ALMS1: variants seen among roughly 807,000 people sequenced by gnomAD.
ALMS1 encodes ALMS1 centrosome and basal body associated protein.
ALMS1 carries 271 observed loss-of-function variants against 352.2 expected under a neutral mutation model. That is an observed-to-expected ratio of 0.77 (90% CI 0.70 to 0.85). ALMS1 has a LOEUF of 0.85. ALMS1 is among the 40% of genes least tolerant of loss of function. ALMS1 has a pLI of 0.00. For synonymous variants in ALMS1, 1,865 were observed against 1,761.2 expected, an observed-to-expected ratio of 1.06 and a Z score of -1.48; for missense variants, 5,445 against 4,870.7, an observed-to-expected ratio of 1.12 and a Z score of -3.51.
Position 73,453,464 on chromosome 2 carries a change from A to C in ALMS1, c.6937A>C (p.Asn2313His), listed in dbSNP as rs766346478. Residue 2313 changes from asparagine to histidine, a missense_variant, in exon 8 of 23, where the codon AAT (asparagine) becomes CAT (histidine). Asn to His is a moderately conservative substitution (Grantham distance 68). Transcript: ENST00000613296. Reference protein sequence around the residue: ...FKEPSSTGVSNGDLLHRQPFT... With the variant: ...FKEPSSTGVSHGDLLHRQPFT... ...AGAACCCTCTTCCACGGGTGTATCTAATGGTGATTTGCTTCACAGACAGCC... is the reference window on the plus strand; with the variant it reads ...AGAACCCTCTTCCACGGGTGTATCTCATGGTGATTTGCTTCACAGACAGCC... 3.1e-6 allele frequency: 5 copies of C among 1,613,456 alleles called. No homozygotes were observed. The highest frequency in any genetic ancestry group is 4.2e-6 in the Non-Finnish European group (5 of 1,179,704).
intron 10 of ALMS1, among the ~76,000 whole-genome samples, chr2:73,498,844 A>T (rs980485849): frequency 2.0e-5 from 3 of 152,130 alleles, no homozygotes; most frequent in African/African-American, 7.2e-5. Context: ...TCCGAATCTT[A>T]GCTTACCACA....
intron 10 of ALMS1, among the ~76,000 whole-genome samples, chr2:73,503,212 A>G (rs960704965): frequency 6.6e-6 from 1 of 151,958 alleles, no homozygotes; most frequent in African/African-American, 2.4e-5. Context: ...CTCGTCATTT[A>G]GCATTAGGTA....
intron 7 of ALMS1, among the ~76,000 whole-genome samples, chr2:73,444,256 G>A (rs1031843026): frequency 6.6e-6 from 1 of 152,134 alleles, no homozygotes; most frequent in Non-Finnish European, 1.5e-5. Context: ...ATCTTCTCCT[G>A]TCCCAGAGGG....
intron 1 of ALMS1, among the ~76,000 whole-genome samples, chr2:73,392,601 T>G (rs1010670334): frequency 3.3e-5 from 5 of 152,216 alleles, no homozygotes; most frequent in African/African-American, 4.8e-5. Flanking sequence ...TGGAATGATA[T>G]GTGTTTTTGT....
At chr2:73,429,045 A>T (rs1248780695) in intron 6 of ALMS1, among the ~76,000 whole-genome samples, 1 of 152,180 alleles carries the variant, frequency 6.6e-6, no homozygotes, top group East Asian at 1.9e-4. Context: ...GTCTTGAGCA[A>T]ATGACTTCGG....
At chr2:73,388,708 T>G (rs1231581169) in intron 1 of ALMS1, among the ~76,000 whole-genome samples, 1 of 152,244 alleles carries the variant, frequency 6.6e-6, no homozygotes, top group Non-Finnish European at 1.5e-5. Context: ...CTACATTTTC[T>G]TTACCCATTC....
rs1177353262 is a variant in ALMS1, at chr2:73,556,640, T to TG, written c.10079-580_10079-579insG. Among the ~76,000 whole-genome samples the TG allele has an allele frequency of 4.8e-3, 643 of 134,330 alleles. 5 individuals carry two copies. The highest frequency in any genetic ancestry group is 6.2e-3 in the Non-Finnish European group (403 of 64,570). The allele number at this position is 134,330 out of a possible 152,430, so 88.1% of individuals were successfully genotyped here. A position where few individuals can be genotyped will look rare whatever the true frequency, so the allele number is the denominator to read the frequency against. On this transcript the variant is annotated intron_variant, in intron 13 of 22. Coordinates refer to ENST00000613296, the MANE Select transcript of ALMS1 (RefSeq NM_001378454.1). ...AAACATACCTGATCTTTCCTTTTTT[T>TG]TTTTGTTTTTTTTTTTACTGTTGCA...
At chr2:73,506,006 A>C (rs1673312715) in intron 10 of ALMS1, among the ~76,000 whole-genome samples, 1 of 152,216 alleles carries the variant, frequency 6.6e-6, no homozygotes, top group Admixed American at 6.5e-5. Context: ...ACTTTTCTGC[A>C]TATGGCTAGT....
chr2:73,602,532 A>C lies in ALMS1; in HGVS notation c.12298+164A>C, dbSNP rs189603697. ...CTTCTTAGCTAGCAGAATCTCCCCA[A>C]CTTAGCCGTCAGCACATTCATGATC... On this transcript the variant is annotated intron_variant, in intron 20 of 22. Coordinates refer to ENST00000613296, the MANE Select transcript of ALMS1 (RefSeq NM_001378454.1). Among the ~76,000 whole-genome samples the C allele has an allele frequency of 1.1e-3, 162 of 152,280 alleles. No homozygotes were observed. The Middle Eastern group carries it at 0.014, about 13-fold the overall frequency.
chr2:73,571,895 TAGC>T (rs991312873), intron 15 of ALMS1, among the ~76,000 whole-genome samples: 8 of 151,672 alleles, frequency 5.3e-5, no homozygotes, highest in Admixed American at 2.6e-4. Context: ...TCAGGTTTAA[TAGC>T]AGGATTAATT....
chr2:73,451,135 G>A lies in ALMS1; in HGVS notation c.4608G>A (p.Leu1536=). The A allele has an allele frequency of 6.2e-7, 1 of 1,613,804 alleles. No homozygotes were observed. The highest frequency in any genetic ancestry group is 1.1e-5 in the South Asian group (1 of 91,050). The part of the protein sequence containing the change: ...HRAKSGSFYQ[L]ALLGSQIPEE... ...CAAAGTCTGGCAGTTTCTACCAACT[G>A]GCATTGCTAGGTAGTCAAATACCTG... Residue 1536 remains leucine (L), a synonymous_variant, in exon 8 of 23, where the codon CTG becomes CTA. Transcript: ENST00000613296.
chr2:73,557,479 C>T, intron 14 of ALMS1, 125 bp downstream of exon 14: 8 of 1,225,954 alleles, frequency 6.5e-6, no homozygotes, highest in Non-Finnish European at 9.4e-6. Flanking sequence ...TCTCTTCTAT[C>T]TCATGTATAT....
intron 11 of ALMS1, among the ~76,000 whole-genome samples, chr2:73,528,585 A>G (rs1318463265): frequency 6.6e-6 from 1 of 151,024 alleles, no homozygotes; most frequent in African/African-American, 2.4e-5. Flanking sequence ...ATCTTTTTCC[A>G]TCCTGTTATT....
At chr2:73,464,369 G>T (rs902527834) in intron 9 of ALMS1, among the ~76,000 whole-genome samples, 2 of 152,200 alleles carry the variant, frequency 1.3e-5, no homozygotes, top group African/African-American at 4.8e-5. Flanking sequence ...AATAGATGCA[G>T]AAAAGGCCTT....
rs1241000215 is a variant in ALMS1 at position 73,563,096 on chromosome 2, TA to T, written c.10384+3967del. 2.7e-3 allele frequency among the ~76,000 whole-genome samples: 377 copies of T among 140,696 alleles called. 2 individuals carry two copies. The highest frequency in any genetic ancestry group is 7.3e-3 in the Middle Eastern group (2 of 274). 92.3% of individuals were successfully genotyped at this position (140,696 alleles called of 152,430 possible). A position where few individuals can be genotyped will look rare whatever the true frequency, so the allele number is the denominator to read the frequency against. ...ATAAGTAAACTAAATTCACCTATAT[TA>T]AAAAAAAAAAAACTTCTTGGATTAT... On this transcript the variant is annotated intron_variant, in intron 15 of 22. Coordinates refer to ENST00000613296, the MANE Select transcript of ALMS1 (RefSeq NM_001378454.1).
At chr2:73,559,583 A>G (rs184308521) in intron 15 of ALMS1, among the ~76,000 whole-genome samples, 1 of 152,304 alleles carries the variant, frequency 6.6e-6, no homozygotes, top group East Asian at 1.9e-4. Context: ...AAAAGCGTAT[A>G]GAACACAAGA....
chr2:73,487,075 A>G (rs1314947912), intron 9 of ALMS1, among the ~76,000 whole-genome samples: 1 of 152,156 alleles, frequency 6.6e-6, no homozygotes, highest in Non-Finnish European at 1.5e-5. Context: ...AAAGAAAGAA[A>G]AATGTCACAG....
At position 73,429,408 on chromosome 2, in the gene ALMS1, A is replaced by G. The variant is rs57134649; in HGVS notation, c.1339-2790A>G. ...GCAGTTGTCCTGCTGCAGCGTCCCA[A>G]GTAGCTGGGATTACAGGTGCCTGCC... is the stretch of plus-strand genomic sequence containing the variant. On this transcript the variant is annotated intron_variant, in intron 6 of 22. Coordinates refer to ENST00000613296, the MANE Select transcript of ALMS1 (RefSeq NM_001378454.1). 1.2e-3 allele frequency among the ~76,000 whole-genome samples: 181 copies of G among 151,704 alleles called. 1 individual carries two copies. The highest frequency in any genetic ancestry group is 4.2e-3 in the African/African-American group (173 of 41,334).
intron 11 of ALMS1, among the ~76,000 whole-genome samples, chr2:73,531,611 A>T (rs1673914301): frequency 6.6e-6 from 1 of 152,176 alleles, no homozygotes; most frequent in Non-Finnish European, 1.5e-5. Context: ...AGTTGCTTCC[A>T]CATGTTCAGG....
Sources: gnomAD v4.1 joint callset for allele counts (sites outside exome capture counted in the v4.1 genomes callset) on GRCh38, gnomAD v4.1.1 for gene constraint, MANE v1.5 for transcripts, NCBI Gene and HGNC (gene_info 2026-07-23, HGNC 2026-07-21) for gene names.